Variants in DTNBP1 observed in about 807,000 individuals in gnomAD.
The protein encoded by DTNBP1 is dystrobrevin binding protein 1, also known as dysbindin.
In DTNBP1, 35 loss-of-function variants were observed where a neutral mutation model predicts 42.8. The observed-to-expected ratio is 0.82, with a 90% CI of 0.63 to 1.09. The LOEUF (loss-of-function observed/expected upper bound fraction) is 1.09. Ranked by LOEUF, DTNBP1 falls within the 50% of genes least tolerant of loss-of-function variation. DTNBP1 has a pLI of 0.00. For missense variants in DTNBP1, 457 were observed against 424.2 expected, an observed-to-expected ratio of 1.08 and a Z score of -0.68; for synonymous variants, 171 against 162.2, an observed-to-expected ratio of 1.05 and a Z score of -0.41.
intron 6 of DTNBP1, among the ~76,000 whole-genome samples, chr6:15,599,290 T>C (rs1352665035): frequency 6.6e-6 from 1 of 152,196 alleles, no homozygotes; most frequent in Non-Finnish European, 1.5e-5. Flanking sequence ...ACTTTACACA[T>C]ACTGTCTCCT....
chr6:15,569,098 A>G (rs897680506), intron 7 of DTNBP1, among the ~76,000 whole-genome samples: 1 of 152,240 alleles, frequency 6.6e-6, no homozygotes, highest in African/African-American at 2.4e-5. Context: ...AACTGTAATC[A>G]GGCTGCACTT....
At position 15,522,842 on chromosome 6, in the gene DTNBP1, T is replaced by C. The variant is rs1412979555; in HGVS notation, c.*133A>G. ...TCACACTTTATTGTTAGCTGTTCTT[T>C]AAGTTTCTCACACATTATTGGCAAT... On this transcript the variant is annotated 3_prime_UTR_variant, in exon 10 of 10. Transcript: ENST00000344537. 4.7e-6 allele frequency: 7 copies of C among 1,495,602 alleles called. No homozygotes were observed. The highest frequency in any genetic ancestry group is 6.5e-6 in the Non-Finnish European group (7 of 1,084,512). The allele number at this position is 1,495,602 out of a possible 1,614,324, so 92.6% of individuals were successfully genotyped here.
chr6:15,657,219 A>G (rs1761335748), intron 1 of DTNBP1, among the ~76,000 whole-genome samples: 1 of 152,216 alleles, frequency 6.6e-6, no homozygotes, highest in East Asian at 1.9e-4. Flanking sequence ...TTCTCACCTG[A>G]GCGCAAGAGA....
rs1408316960 is a variant in DTNBP1 at position 15,539,263 on chromosome 6, T to C, written c.512-5868A>G. ...GTATTTCCTCTGTGCATTCTGCTCA[T>C]ACTGTTGCCAGTACTGGGTGCCCTC... On this transcript the variant is annotated intron_variant, in intron 7 of 9. Transcript: ENST00000344537. 4.6e-5 allele frequency among the ~76,000 whole-genome samples: 7 copies of C among 152,368 alleles called. No homozygotes were observed. The South Asian group carries it at 1.0e-3, about 23-fold the overall frequency.
At chr6:15,638,547 G>A (rs970589308) in intron 3 of DTNBP1, among the ~76,000 whole-genome samples, 1 of 152,146 alleles carries the variant, frequency 6.6e-6, no homozygotes, top group Non-Finnish European at 1.5e-5. Context: ...AAAGAAACAG[G>A]ATATTTACAC....
intron 7 of DTNBP1, among the ~76,000 whole-genome samples, chr6:15,561,070 C>T (rs1280760220): frequency 2.6e-5 from 4 of 152,252 alleles, no homozygotes; most frequent in East Asian, 3.9e-4. Context: ...AACTATAGTA[C>T]ACCTGTTACT....
rs1051852284 is a variant in DTNBP1 at position 15,530,261 on chromosome 6, C to T, written c.667+2979G>A. Among the ~76,000 whole-genome samples, 4 of 152,290 alleles carry T rather than the reference C, an allele frequency of 2.6e-5. No homozygotes were observed. In the East Asian group the frequency reaches 7.7e-4, roughly 29 times the overall value. On this transcript the variant is annotated intron_variant, in intron 8 of 9. Coordinates refer to ENST00000344537, the MANE Select transcript of DTNBP1 (RefSeq NM_032122.5). ...GCTCATCAGGCTGGGAAGTCTGAGC[C>T]GGCTCTGCACAGACGTGCGATGAGA...
chr6:15,559,733 C>T (rs186414272), intron 7 of DTNBP1, among the ~76,000 whole-genome samples: 5 of 152,292 alleles, frequency 3.3e-5, no homozygotes, highest in East Asian at 1.9e-4. Context: ...TCCATGACAA[C>T]GCCCAACTAC....
intron 7 of DTNBP1, among the ~76,000 whole-genome samples, chr6:15,540,845 T>C (rs1342623477): frequency 1.3e-5 from 2 of 152,170 alleles, no homozygotes; most frequent in Non-Finnish European, 2.9e-5. Flanking sequence ...GGTTTCACCA[T>C]GTTAGACAAG....
In DTNBP1 at chr6:15,534,157, C is replaced by T. The variant is rs532382503; in HGVS notation, c.512-762G>A. ...CAGATGGATGGAGACACGAAGTGTG[C>T]TCTCAGGGCTGGGGAGAGGGCGTGG... On this transcript the variant is annotated intron_variant, in intron 7 of 9. Coordinates refer to ENST00000344537, the MANE Select transcript of DTNBP1 (RefSeq NM_032122.5). 1.4e-4 allele frequency among the ~76,000 whole-genome samples: 22 copies of T among 152,208 alleles called. 1 individual carries two copies. Among genetic ancestry groups the T allele is most frequent in the Admixed American group, 1.1e-3 (17 of 15,296 alleles).
intron 6 of DTNBP1, among the ~76,000 whole-genome samples, chr6:15,600,901 A>G (rs1422526825): frequency 6.6e-6 from 1 of 152,230 alleles, no homozygotes; most frequent in Non-Finnish European, 1.5e-5. Context: ...GCAGGTAAGA[A>G]GAGAGACCTG....
chr6:15,529,149 G>T (rs1375748104), intron 8 of DTNBP1, among the ~76,000 whole-genome samples: 1 of 152,150 alleles, frequency 6.6e-6, no homozygotes, highest in Admixed American at 6.5e-5. Context: ...GCCCGGCATG[G>T]TGGTGCACAC....
intron 7 of DTNBP1, among the ~76,000 whole-genome samples, chr6:15,547,697 C>A (rs1295407818): frequency 6.6e-6 from 1 of 152,176 alleles, no homozygotes; most frequent in Non-Finnish European, 1.5e-5. Context: ...GGCTTTCCTC[C>A]TTAGCAACTC....
Position 15,662,882 on chromosome 6 carries a change from C to A in DTNBP1, c.-13G>T. On this transcript the variant is annotated 5_prime_UTR_variant, in exon 1 of 10. Coordinates refer to ENST00000344537, the MANE Select transcript of DTNBP1 (RefSeq NM_032122.5). ...GGGTCTCCAGCATTGCCGCCGCCGC[C>A]GGTCTCCTCTCCTCAGGCCTCGGGC... 6.2e-7 allele frequency: 1 copy of A among 1,604,420 alleles called. No individual in the cohort carries two copies.
intron 6 of DTNBP1, among the ~76,000 whole-genome samples, chr6:15,606,283 G>A (rs1010945207): frequency 2.6e-5 from 4 of 152,200 alleles, no homozygotes; most frequent in Admixed American, 1.3e-4. Flanking sequence ...TATTCTCTCT[G>A]CTGGGAACGT....
rs1357598859 is a variant in DTNBP1 at position 15,604,273 on chromosome 6, T to G, written c.488+10994A>C. Among the ~76,000 whole-genome samples the G allele has an allele frequency of 2.6e-5, 4 of 152,254 alleles. No individual in the cohort carries two copies. In the East Asian group the frequency reaches 7.7e-4, roughly 29 times the overall value. Reference sequence around the variant, plus strand: ...CTCCATCCTGGTGGATGCAGAAGTCTGCTCCCTTTTTGTAAAGTCATTGCC... The same window carrying G: ...CTCCATCCTGGTGGATGCAGAAGTCGGCTCCCTTTTTGTAAAGTCATTGCC... On this transcript the variant is annotated intron_variant, in intron 6 of 9. Transcript: ENST00000344537.
At chr6:15,525,373 GA>G (rs1342507361) in intron 8 of DTNBP1, among the ~76,000 whole-genome samples, 5 of 152,216 alleles carry the variant, frequency 3.3e-5, no homozygotes, top group African/African-American at 1.2e-4. Context: ...TAGCCATGGG[GA>G]ATGCCTGGCA....
intron 7 of DTNBP1, among the ~76,000 whole-genome samples, chr6:15,542,546 A>T (rs1303009018): frequency 6.6e-6 from 1 of 151,688 alleles, no homozygotes; most frequent in Non-Finnish European, 1.5e-5. Context: ...TAATTTTCGT[A>T]TTTTTAGTAG....
At chr6:15,551,575 C>T (rs2113417206) in intron 7 of DTNBP1, among the ~76,000 whole-genome samples, 1 of 152,274 alleles carries the variant, frequency 6.6e-6, no homozygotes, top group African/African-American at 2.4e-5. Context: ...CTCCACATCT[C>T]AGCTCGACTG....
Sources: gnomAD v4.1 joint callset for allele counts (sites outside exome capture counted in the v4.1 genomes callset) on GRCh38, gnomAD v4.1.1 for gene constraint, MANE v1.5 for transcripts, NCBI Gene and HGNC (gene_info 2026-07-23, HGNC 2026-07-21) for gene names.